Variants in PDE8B observed in about 807,000 individuals in gnomAD.
PDE8B encodes high affinity cAMP-specific and IBMX-insensitive 3',5'-cyclic phosphodiesterase 8B.
Under a neutral mutation model 101.3 loss-of-function variants are expected in PDE8B, and 26 were observed. That is an observed-to-expected ratio of 0.26 (90% confidence interval 0.19 to 0.36). PDE8B has a LOEUF of 0.36. Ranked by LOEUF, PDE8B falls within the 10% of genes least tolerant of loss-of-function variation. PDE8B has a pLI of 1.00. For synonymous variants in PDE8B, 424 were observed against 429.3 expected (o/e 0.99, Z 0.15); for missense variants, 810 against 1,163.1 (o/e 0.70, Z 4.42).
chr5:77,337,309 A>G lies in PDE8B; in HGVS notation c.791A>G (p.Lys264Arg). 6.5e-7 allele frequency: 1 copy of G among 1,534,572 alleles called. No homozygotes were observed. Among genetic ancestry groups the G allele is most frequent in the South Asian group, 1.1e-5 (1 of 88,356 alleles). ...IEHGEVRSQF[K>R]LRACNSVFTA... ...CATGGGGAAGTTCGCTCCCAGTTCA[A>G]ATTACGGTATGTAGCAAAATGATAC... Residue 264 changes from lysine to arginine, a missense_variant, in exon 6 of 22, where the codon AAA becomes AGA. This residue lies in a region of PDE8B where 251 missense variants were observed against 378.8 expected (regional missense o/e 0.66). Transcript: ENST00000264917.
chr5:77,183,049 A>AGCTCTTT, the PDE8B span, among the ~76,000 whole-genome samples: 2 of 151,678 alleles, frequency 1.3e-5, no homozygotes, highest in African/African-American at 4.8e-5. Flanking sequence ...CATTGGACTA[A>AGCTCTTT]GCTCTTTATG....
the PDE8B span, among the ~76,000 whole-genome samples, chr5:77,123,213 C>T: frequency 2.6e-5 from 4 of 151,966 alleles, no homozygotes; most frequent in African/African-American, 4.8e-5. Flanking sequence ...TCTGCAGAGT[C>T]CCGAGGTGGT....
At chr5:77,135,304 T>TCTCTTG in the PDE8B span, among the ~76,000 whole-genome samples, 1 of 152,118 alleles carries the variant, frequency 6.6e-6, no homozygotes, top group African/African-American at 2.4e-5. Flanking sequence ...TCCCAATAAA[T>TCTCTTG]CTCTTGACTA....
intron 20 of PDE8B, among the ~76,000 whole-genome samples, chr5:77,422,929 C>T (rs1462580434): frequency 1.3e-5 from 2 of 152,156 alleles, no homozygotes; most frequent in Admixed American, 6.5e-5. Flanking sequence ...GGGTATATTG[C>T]TGATGCTGAG....
At chr5:77,195,892 T>C in the PDE8B span, among the ~76,000 whole-genome samples, 1 of 152,200 alleles carries the variant, frequency 6.6e-6, no homozygotes. Context: ...GATCTTGTTA[T>C]CTTAGGGGTG....
chr5:77,325,770 T>C lies in PDE8B; in HGVS notation c.590+41T>C, dbSNP rs764974550. 3 of 1,383,836 alleles carry C rather than the reference T, an allele frequency of 2.2e-6. No homozygotes were observed. In the Admixed American group the frequency reaches 5.0e-5, roughly 23 times the overall value. The allele number at this position is 1,383,836 out of a possible 1,614,324, so 85.7% of individuals were successfully genotyped here. On this transcript the variant is annotated intron_variant, in intron 3 of 21. Coordinates refer to ENST00000264917, the MANE Select transcript of PDE8B (RefSeq NM_003719.5). ...TAATATGCTTAGTAAATGTTCACTTTACATCTTAAAACGAATTTCATTTAT... is the reference window on the plus strand; with the variant it reads ...TAATATGCTTAGTAAATGTTCACTTCACATCTTAAAACGAATTTCATTTAT...
chr5:77,399,708 AT>A (rs1791847766), intron 10 of PDE8B, among the ~76,000 whole-genome samples: 1 of 151,692 alleles, frequency 6.6e-6, no homozygotes, highest in South Asian at 2.1e-4. Flanking sequence ...AAAATTGATA[AT>A]GAGAAAGAAT....
At chr5:77,159,552 A>G in the PDE8B span, among the ~76,000 whole-genome samples, 1 of 152,156 alleles carries the variant, frequency 6.6e-6, no homozygotes, top group East Asian at 1.9e-4. Context: ...GGACCTTGTG[A>G]TCATGTAAGT....
At chr5:77,108,691 C>CAT in the PDE8B span, among the ~76,000 whole-genome samples, 2 of 152,026 alleles carry the variant, frequency 1.3e-5, no homozygotes, top group East Asian at 3.9e-4. Context: ...TCAAAATATA[C>CAT]ATATATATAA....
the PDE8B span, among the ~76,000 whole-genome samples, chr5:77,138,212 G>T: frequency 6.6e-6 from 1 of 152,012 alleles, no homozygotes. Flanking sequence ...TGGAGTCCGG[G>T]GGGTGGCTTC....
chr5:77,294,057 C>T lies in PDE8B; in HGVS notation c.340-17937C>T, dbSNP rs73767359. Among the ~76,000 whole-genome samples the T allele has an allele frequency of 5.5e-3, 830 of 152,142 alleles. 11 individuals carry two copies. The highest frequency in any genetic ancestry group is 0.019 in the African/African-American group (791 of 41,502). On this transcript the variant is annotated intron_variant, in intron 1 of 21. Coordinates refer to ENST00000264917, the MANE Select transcript of PDE8B (RefSeq NM_003719.5). ...AGAAGTTTTTAATGTTAATATAATC[C>T]AATTTACTATTTTTTTCTTTCATGG...
At chr5:77,329,953 A>G (rs1776807515) in intron 4 of PDE8B, among the ~76,000 whole-genome samples, 1 of 152,112 alleles carries the variant, frequency 6.6e-6, no homozygotes, top group Non-Finnish European at 1.5e-5. Context: ...GAAGACTCCT[A>G]CTTACCTGCT....
intron 1 of PDE8B, among the ~76,000 whole-genome samples, chr5:77,263,676 A>G (rs149776552): frequency 2.0e-5 from 3 of 152,172 alleles, no homozygotes; most frequent in African/African-American, 4.8e-5. Flanking sequence ...CCCTTGCCCA[A>G]CTGATGTCGG....
the PDE8B span, among the ~76,000 whole-genome samples, chr5:77,181,263 C>A: frequency 6.6e-6 from 1 of 152,152 alleles, no homozygotes; most frequent in Non-Finnish European, 1.5e-5. Context: ...AAGGGTCCCA[C>A]GCTGCGGGGT....
chr5:77,407,087 T>C (rs1793623948), intron 12 of PDE8B, among the ~76,000 whole-genome samples: 1 of 152,212 alleles, frequency 6.6e-6, no homozygotes, highest in South Asian at 2.1e-4. Context: ...GTCATTAAGC[T>C]GTTGGAATGA....
intron 18 of PDE8B, among the ~76,000 whole-genome samples, chr5:77,419,135 T>C (rs1319853239): frequency 6.6e-6 from 1 of 152,202 alleles, no homozygotes; most frequent in East Asian, 1.9e-4. Context: ...GCTTCATCAG[T>C]ATCGAGGATG....
chr5:77,226,796 T>C (rs1179380002), intron 1 of PDE8B, among the ~76,000 whole-genome samples: 1 of 152,216 alleles, frequency 6.6e-6, no homozygotes, highest in Non-Finnish European at 1.5e-5. Flanking sequence ...TGTACTTTTT[T>C]CTGCTTTCAA....
intron 1 of PDE8B, among the ~76,000 whole-genome samples, chr5:77,214,380 G>A (rs1000093672): frequency 1.8e-4 from 28 of 152,300 alleles, no homozygotes; most frequent in African/African-American, 5.3e-4. Context: ...CCAGCTCCCC[G>A]TTTTCCCTCC....
chr5:77,213,658 A>G (rs1030114653), intron 1 of PDE8B, among the ~76,000 whole-genome samples: 1 of 152,188 alleles, frequency 6.6e-6, no homozygotes, highest in Non-Finnish European at 1.5e-5. Flanking sequence ...GGAAAAATAA[A>G]ATCTTTACCA....
Sources: gnomAD v4.1 joint callset for allele counts (sites outside exome capture counted in the v4.1 genomes callset) on GRCh38, gnomAD v4.1.1 for gene constraint, gnomAD v4.1.1 regional missense constraint, MANE v1.5 for transcripts, NCBI Gene and HGNC (gene_info 2026-07-23, HGNC 2026-07-21) for gene names.